The following ZKSCAN5 variants were observed in gnomAD, a reference collection of about 807,000 sequenced individuals.
ZKSCAN5 encodes zinc finger with KRAB and SCAN domains 5.
Under a neutral mutation model 60.0 loss-of-function variants are expected in ZKSCAN5, and 28 were observed. The ratio of observed to expected loss-of-function variants is 0.47; its 90% CI spans 0.35 to 0.64. The LOEUF (loss-of-function observed/expected upper bound fraction) is 0.64. ZKSCAN5 is among the 30% of genes least tolerant of loss of function. The probability of loss-of-function intolerance (pLI) is 0.01; values close to 1 mark genes in which losing one functional copy is unlikely to be tolerated. For synonymous variants in ZKSCAN5, 361 were observed against 371.2 expected (o/e 0.97, Z 0.31); for missense variants, 881 against 1,034.6 (o/e 0.85, Z 2.04).
At chr7:99,525,059 G>A (rs1801711943) in intron 5 of ZKSCAN5, among the ~76,000 whole-genome samples, 1 of 151,978 alleles carries the variant, frequency 6.6e-6, no homozygotes, top group South Asian at 2.1e-4. Flanking sequence ...CCAGTGACTT[G>A]GGAGGCTGAG....
At chr7:99,525,496 C>T (rs569696701) in intron 5 of ZKSCAN5, among the ~76,000 whole-genome samples, 36 of 151,902 alleles carry the variant, frequency 2.4e-4, no homozygotes, top group Admixed American at 9.9e-4. Flanking sequence ...CACGCGCGCG[C>T]GCACACACAC....
intron 2 of ZKSCAN5, among the ~76,000 whole-genome samples, chr7:99,509,461 C>T (rs1469420125): frequency 6.6e-6 from 1 of 150,900 alleles, no homozygotes; most frequent in African/African-American, 2.4e-5. Flanking sequence ...TTTTGTTTGA[C>T]CACAGCACTT....
At chr7:99,518,779 G>A (rs1801385299) in intron 3 of ZKSCAN5, among the ~76,000 whole-genome samples, 1 of 141,850 alleles carries the variant, frequency 7.0e-6, no homozygotes, top group East Asian at 2.2e-4. Flanking sequence ...GGGTTCAAGT[G>A]ATTCTCCTGC....
chr7:99,517,556 C>G (rs1171839880), intron 3 of ZKSCAN5, among the ~76,000 whole-genome samples: 2 of 152,162 alleles, frequency 1.3e-5, no homozygotes, highest in Non-Finnish European at 2.9e-5. Context: ...TGGCACATGC[C>G]TGTAATCCCA....
intron 3 of ZKSCAN5, among the ~76,000 whole-genome samples, chr7:99,517,152 G>C (rs1004498203): frequency 2.0e-5 from 3 of 152,118 alleles, no homozygotes; most frequent in African/African-American, 7.2e-5. Flanking sequence ...CGCAACCTCT[G>C]CCTCCCAGGT....
intron 2 of ZKSCAN5, among the ~76,000 whole-genome samples, chr7:99,508,638 A>G (rs1800877178): frequency 3.3e-5 from 5 of 151,428 alleles, no homozygotes; most frequent in Admixed American, 1.3e-4. Context: ...AGTCTCAGCT[A>G]CTTGGGAGGC....
intron 2 of ZKSCAN5, among the ~76,000 whole-genome samples, chr7:99,510,836 G>A (rs982231967): frequency 5.9e-5 from 9 of 151,958 alleles, no homozygotes; most frequent in Non-Finnish European, 1.2e-4. Flanking sequence ...CGCCTCCCAG[G>A]CTCAAGCGAT....
chr7:99,512,528 C>G lies in ZKSCAN5; in HGVS notation c.490C>G (p.Pro164Ala), dbSNP rs781510042. 2 of 1,614,170 alleles carry G rather than the reference C, an allele frequency of 1.2e-6. No individual in the cohort carries two copies. Among genetic ancestry groups the G allele is most frequent in the Non-Finnish European group, 1.7e-6 (2 of 1,180,010 alleles). ...GAVQESCSPH[P>A]LTVDTQPEQA... ...AGTGCAGGAGTCCTGCAGCCCCCAT[C>G]CCCTGACCGTGGACACCCAGCCTGA... The change falls in exon 3 of 7, where the codon CCC (proline) becomes GCC (alanine). Residue 164 changes from proline to alanine, a missense_variant. Pro to Ala is a conservative substitution (Grantham distance 27). This residue lies in a region of ZKSCAN5 where 490 missense variants were observed against 554.5 expected (regional missense o/e 0.88). Coordinates refer to ENST00000326775, the MANE Select transcript of ZKSCAN5 (RefSeq NM_145102.4).
intron 3 of ZKSCAN5, among the ~76,000 whole-genome samples, chr7:99,515,493 T>G (rs1034250644): frequency 6.6e-6 from 1 of 152,130 alleles, no homozygotes; most frequent in African/African-American, 2.4e-5. Context: ...CAGGTAATCC[T>G]TCCAGTAGCT....
intron 3 of ZKSCAN5, among the ~76,000 whole-genome samples, chr7:99,516,817 C>T (rs1406294848): frequency 6.6e-6 from 1 of 152,136 alleles, no homozygotes; most frequent in East Asian, 1.9e-4. Flanking sequence ...TGCTGCGTCT[C>T]CTGCTCCACT....
rs373875598 is a variant in ZKSCAN5 at position 99,525,935 on chromosome 7, G to A, written c.895G>A (p.Val299Ile). 1 of 1,613,950 alleles carries A rather than the reference G, an allele frequency of 6.2e-7. No individual in the cohort carries two copies. Among genetic ancestry groups the A allele is most frequent in the Non-Finnish European group, 8.5e-7 (1 of 1,180,044 alleles). ...TCCTCAGGATCCAGACTTTGCAGAA[G>A]TCAGTGACCTTAAAGGCATGGTACA... ...SVPQDPDFAE[V>I]SDLKGMVQRW... Residue 299 changes from valine to isoleucine, a missense_variant, in exon 6 of 7, where the codon GTC becomes ATC. Val to Ile is a conservative substitution (Grantham distance 29). Transcript: ENST00000326775.
intron 3 of ZKSCAN5, among the ~76,000 whole-genome samples, chr7:99,516,638 A>G (rs1017388179): frequency 2.6e-5 from 4 of 152,090 alleles, no homozygotes; most frequent in African/African-American, 7.2e-5. Context: ...TGTGGACCTT[A>G]GACAAAGAGC....
At position 99,525,909 on chromosome 7, in the gene ZKSCAN5, T is replaced by A; in HGVS notation, c.869T>A (p.Val290Asp). The A allele has an allele frequency of 6.2e-7, 1 of 1,613,984 alleles. No homozygotes were observed. The highest frequency in any genetic ancestry group is 2.2e-5 in the East Asian group (1 of 44,860). Residue 290 changes from valine (V) to aspartate (D), a missense_variant, in exon 6 of 7, where the codon GTT becomes GAT. By Grantham distance (152) the Val-to-Asp change is radical. This residue lies in a region of ZKSCAN5 where 490 missense variants were observed against 554.5 expected (regional missense o/e 0.88). Transcript: ENST00000326775. The stretch of plus-strand genomic sequence containing the variant: ...GCGCCAGAACACACCGAAAGGAGCG[T>A]TCCTCAGGATCCAGACTTTGCAGAA... Reference protein sequence around the residue: ...WVAPEHTERSVPQDPDFAEVS... With the variant: ...WVAPEHTERSDPQDPDFAEVS...
intron 2 of ZKSCAN5, among the ~76,000 whole-genome samples, chr7:99,511,134 GAA>G (rs1224344004): frequency 6.6e-6 from 1 of 152,198 alleles, no homozygotes; most frequent in Non-Finnish European, 1.5e-5. Flanking sequence ...AAGGGAGGGA[GAA>G]AAGGGGAAAG....
chr7:99,533,759 C>T lies in ZKSCAN5; in HGVS notation c.*1510C>T, dbSNP rs1802152178. On this transcript the variant is annotated 3_prime_UTR_variant, in exon 7 of 7. Coordinates refer to ENST00000326775, the MANE Select transcript of ZKSCAN5 (RefSeq NM_145102.4). The stretch of plus-strand genomic sequence containing the variant: ...CCTTCATCCGTGCTAAGCTCTCTCC[C>T]TTCTCTATCCTGTTTCATTCCCTCC... 1 of 397,668 alleles carries T rather than the reference C, an allele frequency of 2.5e-6. No individual in the cohort carries two copies. The highest frequency in any genetic ancestry group is 2.1e-5 in the African/African-American group (1 of 48,634). The allele number at this position is 397,668 out of a possible 1,614,324, so 24.6% of individuals were successfully genotyped here.
Position 99,531,991 on chromosome 7 carries a change from T to C in ZKSCAN5, c.2262T>C (p.Val754=). ...AATGTGATATATGTAGAGAAAATGT[T>C]GGCCAGTGTTCCCACACCAAACAAC... ...PYQCDICREN[V]GQCSHTKQHQ... is the part of the protein sequence containing the mutation. The change falls in exon 7 of 7, where the codon GTT becomes GTC. Residue 754 remains valine, a synonymous_variant. Transcript: ENST00000326775. The C allele has an allele frequency of 6.2e-7, 1 of 1,614,222 alleles. No homozygotes were observed. The highest frequency in any genetic ancestry group is 8.5e-7 in the Non-Finnish European group (1 of 1,180,044).
intron 2 of ZKSCAN5, among the ~76,000 whole-genome samples, chr7:99,506,849 AT>A (rs34098119): frequency 0.092 from 11,575 of 125,880 alleles, 562 homozygotes; most frequent in African/African-American, 0.19. Flanking sequence ...GGCCCGGCTA[AT>A]TTTTTTTTTT....
rs745465316 is a variant in ZKSCAN5 at position 99,526,423 on chromosome 7, G to A, written c.1378+5G>A. 1.3e-6 allele frequency: 2 copies of A among 1,594,750 alleles called. No homozygotes were observed. The highest frequency in any genetic ancestry group is 1.7e-6 in the Non-Finnish European group (2 of 1,176,928). On this transcript the variant is annotated splice_donor_5th_base_variant and intron_variant, in intron 6 of 6. Transcript: ENST00000326775. ...TCAGGGAGAAATCCCAGAGATGTAC[G>A]TGTGAGGAGTTTATATCCGGGGGAT...
At chr7:99,510,058 A>T (rs1450680046) in intron 2 of ZKSCAN5, among the ~76,000 whole-genome samples, 1 of 150,090 alleles carries the variant, frequency 6.7e-6, no homozygotes, top group East Asian at 2.0e-4. Context: ...GATCCTCTTG[A>T]GTAGCTAGGA....
Sources: allele counts gnomAD v4.1 joint callset (sites outside exome capture counted in the v4.1 genomes callset), GRCh38; gene constraint gnomAD v4.1.1; regional missense constraint gnomAD v4.1.1; transcripts MANE v1.5; gene names NCBI Gene and HGNC (gene_info 2026-07-23, HGNC 2026-07-21).